Variants in DPP10 observed in about 807,000 individuals in gnomAD.
DPP10 encodes the protein inactive dipeptidyl peptidase 10.
DPP10 carries 33 observed loss-of-function variants against 120.9 expected under a neutral mutation model. The observed-to-expected ratio is 0.27, with a 90% confidence interval of 0.21 to 0.37. The LOEUF (loss-of-function observed/expected upper bound fraction) is 0.37. DPP10 is among the 10% of genes least tolerant of loss of function. The pLI is 1.00. For missense variants in DPP10, 816 were observed against 942.8 expected (o/e 0.87, Z 1.76); for synonymous variants, 337 against 326.1 (o/e 1.03, Z -0.36).
intron 1 of DPP10, among the ~76,000 whole-genome samples, chr2:115,237,431 T>C (rs1270408767): frequency 6.6e-6 from 1 of 152,148 alleles, no homozygotes; most frequent in African/African-American, 2.4e-5. Context: ...CAGGCCTCCA[T>C]ACTCCCTGAT....
intron 1 of DPP10, among the ~76,000 whole-genome samples, chr2:114,881,517 TATCTATCC>T (rs1691623436): frequency 6.6e-6 from 1 of 151,828 alleles, no homozygotes; most frequent in South Asian, 2.1e-4. Context: ...TCTGTCTATC[TATCTATCC>T]ATCTATCTAT....
intron 1 of DPP10, among the ~76,000 whole-genome samples, chr2:114,741,524 C>T (rs552388918): frequency 1.9e-4 from 29 of 152,156 alleles, no homozygotes; most frequent in South Asian, 1.0e-3. Context: ...GAAAGCAGTC[C>T]GGAGTCTAGC....
intron 1 of DPP10, among the ~76,000 whole-genome samples, chr2:115,076,833 T>G (rs997760486): frequency 3.3e-5 from 5 of 152,242 alleles, no homozygotes; most frequent in African/African-American, 1.2e-4. Context: ...TGAACATGCC[T>G]TGTGTTCATA....
chr2:115,641,602 T>C (rs2086787148), intron 5 of DPP10, among the ~76,000 whole-genome samples: 1 of 152,104 alleles, frequency 6.6e-6, no homozygotes, highest in South Asian at 2.1e-4. Flanking sequence ...TACTTATGAG[T>C]CTCTATGTGT....
intron 1 of DPP10, among the ~76,000 whole-genome samples, chr2:114,532,336 C>A (rs1665670083): frequency 1.4e-5 from 2 of 143,364 alleles, no homozygotes; most frequent in Admixed American, 7.0e-5. Flanking sequence ...CCATATATAT[C>A]TCTCTATATA....
At chr2:115,668,811 A>G (rs536971851) in intron 5 of DPP10, among the ~76,000 whole-genome samples, 1 of 152,234 alleles carries the variant, frequency 6.6e-6, no homozygotes, top group South Asian at 2.1e-4. Flanking sequence ...TTTCTAGCCT[A>G]GTGTTGGCAG....
At chr2:114,911,429 A>G (rs1475640721) in intron 1 of DPP10, among the ~76,000 whole-genome samples, 1 of 152,236 alleles carries the variant, frequency 6.6e-6, no homozygotes, top group Non-Finnish European at 1.5e-5. Flanking sequence ...TAAAAGACAG[A>G]AGTTCTCTGT....
At chr2:114,585,024 A>G (rs1690836561) in intron 1 of DPP10, among the ~76,000 whole-genome samples, 1 of 152,212 alleles carries the variant, frequency 6.6e-6, no homozygotes, top group Non-Finnish European at 1.5e-5. Context: ...TTATTTTTGC[A>G]TAACAAATTA....
At chr2:114,973,139 C>T (rs976864588) in intron 1 of DPP10, among the ~76,000 whole-genome samples, 1 of 152,036 alleles carries the variant, frequency 6.6e-6, no homozygotes, top group Non-Finnish European at 1.5e-5. Context: ...CTGAAGAATT[C>T]CTATTGCCTA....
intron 1 of DPP10, among the ~76,000 whole-genome samples, chr2:114,864,177 C>CT (rs1477260841): frequency 9.2e-5 from 14 of 152,160 alleles, no homozygotes; most frequent in African/African-American, 3.4e-4. Flanking sequence ...TATGACCTCT[C>CT]TTTTTTTCCA....
chr2:114,852,176 T>TTTC (rs1553441623), intron 1 of DPP10, among the ~76,000 whole-genome samples: 36 of 145,536 alleles, frequency 2.5e-4, no homozygotes, highest in African/African-American at 8.7e-4. Context: ...TTTTTTTTTT[T>TTTC]CATAAAATGC....
chr2:115,100,603 G>A (rs1311913013), intron 1 of DPP10, among the ~76,000 whole-genome samples: 1 of 151,766 alleles, frequency 6.6e-6, no homozygotes. Flanking sequence ...TGTATCAATT[G>A]GTCTCTGTTA....
chr2:115,293,180 C>T (rs1033389657), intron 1 of DPP10, among the ~76,000 whole-genome samples: 5 of 152,074 alleles, frequency 3.3e-5, no homozygotes, highest in African/African-American at 9.7e-5. Flanking sequence ...TGGCAGGATG[C>T]GGGTCAGTGC....
intron 10 of DPP10, 24 bp from the exon 11 acceptor site, chr2:115,753,150 A>G: frequency 6.2e-7 from 1 of 1,604,278 alleles, no homozygotes. Flanking sequence ...CTAAACATAC[A>G]TTTTAATTTT....
chr2:114,955,286 C>T (rs891767165), intron 1 of DPP10, among the ~76,000 whole-genome samples: 1 of 152,160 alleles, frequency 6.6e-6, no homozygotes, highest in Admixed American at 6.5e-5. Context: ...ACTCTTGTCA[C>T]CATTTTGGTT....
intron 1 of DPP10, among the ~76,000 whole-genome samples, chr2:114,795,388 G>A (rs986830396): frequency 3.3e-5 from 5 of 152,106 alleles, no homozygotes; most frequent in African/African-American, 1.2e-4. Context: ...CCATTTGGGA[G>A]GCTGAGGCAG....
intron 1 of DPP10, among the ~76,000 whole-genome samples, chr2:114,732,884 G>A (rs908774096): frequency 1.3e-5 from 2 of 152,164 alleles, no homozygotes; most frequent in East Asian, 1.9e-4. Flanking sequence ...AATAGCAATA[G>A]GAAGTTTATG....
At position 114,757,681 on chromosome 2, in the gene DPP10, C is replaced by T. The variant is rs76709803; in HGVS notation, c.60+314843C>T. ...AGAAATTAGTAGCCTTAAGTGTGGT[C>T]CCCTGACCAACAGCATCTTGGGATT... On this transcript the variant is annotated intron_variant, in intron 1 of 25. Transcript: ENST00000410059. Among the ~76,000 whole-genome samples the T allele has an allele frequency of 4.6e-3, 694 of 152,196 alleles. 7 individuals are homozygous for T. The highest frequency in any genetic ancestry group is 0.015 in the African/African-American group (633 of 41,504).
chr2:114,483,495 C>T (rs920450734), intron 1 of DPP10, among the ~76,000 whole-genome samples: 1 of 151,650 alleles, frequency 6.6e-6, no homozygotes, highest in Non-Finnish European at 1.5e-5. Flanking sequence ...AACCAGGAAC[C>T]ACATCGATCC....
Sources: gnomAD v4.1 joint callset for allele counts (sites outside exome capture counted in the v4.1 genomes callset) on GRCh38, gnomAD v4.1.1 for gene constraint, MANE v1.5 for transcripts, NCBI Gene and HGNC (gene_info 2026-07-23, HGNC 2026-07-21) for gene names.